ARHGAP39: variants seen among roughly 807,000 people sequenced by gnomAD.
ARHGAP39 encodes Rho GTPase activating protein 39, also known as rho GTPase-activating protein 39.
A neutral mutation model predicts 106.9 loss-of-function variants in ARHGAP39; 44 were observed. That is an observed-to-expected ratio of 0.41 (90% CI 0.32 to 0.53). The LOEUF (loss-of-function observed/expected upper bound fraction) is 0.53, where lower values mean the gene tolerates loss of function less well. Among genes scored for constraint, ARHGAP39 ranks in the 20% least tolerant of loss-of-function variants. ARHGAP39 has a pLI of 0.21. For synonymous variants in ARHGAP39, 768 were observed against 693.2 expected, an observed-to-expected ratio of 1.11 and a Z score of -1.69; for missense variants, 1,496 against 1,577.3, an observed-to-expected ratio of 0.95 and a Z score of 0.87.
At chr8:144,602,089 G>A (rs1407994448) in intron 2 of ARHGAP39, among the ~76,000 whole-genome samples, 1 of 146,784 alleles carries the variant, frequency 6.8e-6, no homozygotes, top group African/African-American at 2.5e-5. Context: ...GTGTGTGGAG[G>A]CGTGTGTGCT....
chr8:144,618,726 G>A (rs1282857199), intron 1 of ARHGAP39, among the ~76,000 whole-genome samples: 3 of 152,250 alleles, frequency 2.0e-5, no homozygotes, highest in African/African-American at 7.2e-5. Flanking sequence ...TCCCTGCAAC[G>A]TGGTACCCGG....
chr8:144,574,442 G>A (rs919158530), intron 3 of ARHGAP39, among the ~76,000 whole-genome samples: 9 of 151,988 alleles, frequency 5.9e-5, no homozygotes, highest in South Asian at 2.1e-4. Flanking sequence ...AGGCCGAGGC[G>A]GGCAGATCAC....
intron 1 of ARHGAP39, among the ~76,000 whole-genome samples, chr8:144,629,608 T>G (rs1236820455): frequency 6.6e-6 from 1 of 152,224 alleles, no homozygotes; most frequent in East Asian, 1.9e-4. Flanking sequence ...GATTCAACCC[T>G]GTGAAATTGT....
intron 2 of ARHGAP39, among the ~76,000 whole-genome samples, chr8:144,588,865 T>C (rs974109106): frequency 5.3e-5 from 8 of 152,208 alleles, no homozygotes; most frequent in Admixed American, 5.2e-4. Flanking sequence ...TGAATCGTGG[T>C]GAAGATCAGG....
chr8:144,529,633 T>G lies in ARHGAP39; in HGVS notation c.*789A>C, dbSNP rs762017990. 6 of 152,268 alleles carry G rather than the reference T, an allele frequency of 3.9e-5. No homozygotes were observed. The highest frequency in any genetic ancestry group is 8.8e-5 in the Non-Finnish European group (6 of 68,052). The allele number at this position is 152,268 out of a possible 1,614,324, so 9.4% of individuals were successfully genotyped here. Reference sequence around the variant, plus strand: ...ACGGAGGACGGGGACGGCTCAGAGATAAATAGCATTTAGGTTAAAACTATG... The same window carrying G: ...ACGGAGGACGGGGACGGCTCAGAGAGAAATAGCATTTAGGTTAAAACTATG... On this transcript the variant is annotated 3_prime_UTR_variant, in exon 12 of 12. Coordinates refer to ENST00000377307, the MANE Select transcript of ARHGAP39 (RefSeq NM_025251.3).
At chr8:144,603,687 CAAAA>C (rs922284218) in intron 2 of ARHGAP39, among the ~76,000 whole-genome samples, 8 of 77,682 alleles carry the variant, frequency 1.0e-4, no homozygotes, top group African/African-American at 1.7e-4. Context: ...GAGACTCCAT[CAAAA>C]AAAAAAAAAA....
At chr8:144,695,382 C>T in the ARHGAP39 span, among the ~76,000 whole-genome samples, 2 of 151,548 alleles carry the variant, frequency 1.3e-5, no homozygotes. Context: ...CCATTCTAAG[C>T]ACTTTCTATA....
At chr8:144,579,848 T>C (rs530520811) in intron 3 of ARHGAP39, among the ~76,000 whole-genome samples, 28 of 152,196 alleles carry the variant, frequency 1.8e-4, no homozygotes, top group Non-Finnish European at 3.2e-4. Flanking sequence ...ACCAATCCCC[T>C]GCCTTTCTCT....
chr8:144,532,402 G>A lies in ARHGAP39; in HGVS notation c.2889-6C>T, dbSNP rs749729532. On this transcript the variant is annotated splice_polypyrimidine_tract_variant and splice_region_variant and intron_variant, in intron 9 of 11. Coordinates refer to ENST00000377307, the MANE Select transcript of ARHGAP39 (RefSeq NM_025251.3). The stretch of plus-strand genomic sequence containing the variant: ...CGTCAATGTCCCCAGGGACCCTGCA[G>A]GGCACAGGGCAGGTCTCAGGCAACA... 1.2e-5 allele frequency: 19 copies of A among 1,611,318 alleles called. No individual in the cohort carries two copies. The highest frequency in any genetic ancestry group is 6.7e-5 in the African/African-American group (5 of 74,980).
At position 144,593,828 on chromosome 8, in the gene ARHGAP39, G is replaced by A. The variant is rs551580013; in HGVS notation, c.80+11707C>T. On this transcript the variant is annotated intron_variant, in intron 2 of 11. Coordinates refer to ENST00000377307, the MANE Select transcript of ARHGAP39 (RefSeq NM_025251.3). ...AGACAGGCTGGGTGCCGTGGCTAAC[G>A]CCTGGAATCTCAGCACTTTGAGAGG... Among the ~76,000 whole-genome samples the A allele has an allele frequency of 3.9e-5, 6 of 152,262 alleles. No homozygotes were observed. The East Asian group carries it at 9.6e-4, about 24-fold the overall frequency.
At chr8:144,533,033 G>T in intron 9 of ARHGAP39, 93 bp downstream of exon 9, 1 of 1,456,700 alleles carries the variant, frequency 6.9e-7, no homozygotes, top group African/African-American at 1.4e-5. Flanking sequence ...GCAGCCCAGT[G>T]GGCCTGAGGC....
chr8:144,592,840 G>A (rs1376418045), intron 2 of ARHGAP39, among the ~76,000 whole-genome samples: 1 of 152,216 alleles, frequency 6.6e-6, no homozygotes, highest in Non-Finnish European at 1.5e-5. Context: ...CTCAAGGACG[G>A]AGGCGTACAG....
At chr8:144,592,215 C>G (rs1399937811) in intron 2 of ARHGAP39, among the ~76,000 whole-genome samples, 1 of 152,128 alleles carries the variant, frequency 6.6e-6, no homozygotes, top group South Asian at 2.1e-4. Flanking sequence ...CTCCTAAGAA[C>G]ACTGTGGGCA....
intron 1 of ARHGAP39, among the ~76,000 whole-genome samples, chr8:144,663,133 T>C (rs971639794): frequency 2.1e-5 from 3 of 145,368 alleles, no homozygotes; most frequent in Non-Finnish European, 3.0e-5. Flanking sequence ...CCCTCCCTAT[T>C]ATCCACCTTG....
rs1479202193 is a variant in ARHGAP39, at chr8:144,604,527, G to A, written c.80+1008C>T. Among the ~76,000 whole-genome samples the A allele has an allele frequency of 1.3e-5, 2 of 151,564 alleles. No individual in the cohort carries two copies. The highest frequency in any genetic ancestry group is 1.3e-4 in the Admixed American group (2 of 15,266). ...CGAGTAGCTGAGACCATAGGCATCT[G>A]CCACCACATCTGGCTAATTTTTGTA... On this transcript the variant is annotated intron_variant, in intron 2 of 11. Coordinates refer to ENST00000377307, the MANE Select transcript of ARHGAP39 (RefSeq NM_025251.3). The surrounding 1 kb of genome is among the most constrained non-coding windows in gnomAD (Gnocchi z 4.1).
upstream of ARHGAP39, among the ~76,000 whole-genome samples, chr8:144,688,708 G>GC (rs1373248594): frequency 6.6e-6 from 1 of 152,188 alleles, no homozygotes; most frequent in Non-Finnish European, 1.5e-5. Flanking sequence ...GGGCAACAGA[G>GC]CGAGACCCTG....
chr8:144,547,801 A>G lies in ARHGAP39; in HGVS notation c.1285T>C (p.Leu429=), dbSNP rs1384250107. ...APNPGGGSYS[L]QPSPCLLRDQ... is the part of the protein sequence containing the mutation. ...CTCAGCAGGCAGGGGCTGGGCTGCA[A>G]GGAGTACGAACCACCGCCGGGGTTG... The change falls in exon 5 of 12, where the codon TTG becomes CTG. Residue 429 remains leucine, a synonymous_variant. Coordinates refer to ENST00000377307, the MANE Select transcript of ARHGAP39 (RefSeq NM_025251.3). This position sits in a 1 kb window ranked among gnomAD's most constrained non-coding sequence, Gnocchi z 5.2. The G allele has an allele frequency of 5.6e-6, 9 of 1,594,348 alleles. No homozygotes were observed. The highest frequency in any genetic ancestry group is 1.3e-5 in the African/African-American group (1 of 74,692).
chr8:144,545,762 G>T lies in ARHGAP39; in HGVS notation c.2008C>A (p.Arg670Ser). The T allele has an allele frequency of 6.2e-7, 1 of 1,602,496 alleles. No individual in the cohort carries two copies. Residue 670 changes from arginine (R) to serine (S), a missense_variant, in exon 6 of 12, where the codon CGC becomes AGC. Arg to Ser is a moderately radical substitution (Grantham distance 110, BLOSUM62 -1). This residue lies in a region of ARHGAP39 where 905 missense variants were observed against 816.4 expected (regional missense o/e 1.11). Coordinates refer to ENST00000377307, the MANE Select transcript of ARHGAP39 (RefSeq NM_025251.3). ...CAGCTGGAGCTGGGAACGCCGCTGC[G>T]GCTCTGCCGGCTGCTCTCGAACTGG... ...CAQFESSRQS[R>S]SGVPSSSCVF... is the part of the protein sequence containing the mutation.
At chr8:144,620,658 T>C (rs1273268925) in intron 1 of ARHGAP39, among the ~76,000 whole-genome samples, 1 of 152,210 alleles carries the variant, frequency 6.6e-6, no homozygotes, top group Non-Finnish European at 1.5e-5. Context: ...TCTGCCGAGT[T>C]TGCATCCCTT....
Sources: allele counts gnomAD v4.1 joint callset (sites outside exome capture counted in the v4.1 genomes callset), GRCh38; gene constraint gnomAD v4.1.1; regional missense constraint gnomAD v4.1.1; non-coding constraint Gnocchi (gnomAD v3.1); transcripts MANE v1.5; gene names NCBI Gene and HGNC (gene_info 2026-07-23, HGNC 2026-07-21).